Variants in TAFA1 observed in about 807,000 individuals in gnomAD.
The protein encoded by TAFA1 is TAFA chemokine like family member 1, also known as chemokine-like protein TAFA-1.
A neutral mutation model predicts 18.5 loss-of-function variants in TAFA1; 4 were observed. The observed-to-expected ratio is 0.22, with a 90% CI of 0.11 to 0.49. The LOEUF is 0.49. Ranked by LOEUF, TAFA1 falls within the 20% of genes least tolerant of loss-of-function variation. The pLI, the probability that TAFA1 is intolerant of heterozygous loss-of-function variation, is 0.98. For missense variants in TAFA1, 147 were observed against 169.0 expected (o/e 0.87, Z 0.72); for synonymous variants, 56 against 55.2 (o/e 1.01, Z -0.06).
At chr3:68,038,344 G>C (rs1705094799) in intron 2 of TAFA1, among the ~76,000 whole-genome samples, 1 of 152,174 alleles carries the variant, frequency 6.6e-6, no homozygotes, top group Admixed American at 6.5e-5. Flanking sequence ...GGAATCTTTA[G>C]TCAATGTTGG....
intron 2 of TAFA1, among the ~76,000 whole-genome samples, chr3:68,048,263 G>A (rs896271540): frequency 3.3e-4 from 50 of 151,870 alleles, no homozygotes; most frequent in African/African-American, 1.2e-3. Context: ...TATTGAAGAC[G>A]GGCTTATGGC....
At chr3:68,254,618 G>A (rs1435342801) in intron 2 of TAFA1, among the ~76,000 whole-genome samples, 1 of 152,012 alleles carries the variant, frequency 6.6e-6, no homozygotes, top group Non-Finnish European at 1.5e-5. Context: ...GTGATGCCAA[G>A]TTATTTCCTC....
intron 2 of TAFA1, among the ~76,000 whole-genome samples, chr3:68,403,042 A>C (rs962966607): frequency 6.6e-6 from 1 of 152,168 alleles, no homozygotes; most frequent in East Asian, 1.9e-4. Flanking sequence ...TACCTTTTCT[A>C]TGTCTAGATA....
intron 2 of TAFA1, among the ~76,000 whole-genome samples, chr3:68,075,307 C>G (rs888976379): frequency 3.3e-5 from 5 of 152,154 alleles, no homozygotes; most frequent in African/African-American, 1.2e-4. Context: ...GGCTAATAGA[C>G]TATTTGTGAC....
chr3:68,382,539 C>A (rs144720207), intron 2 of TAFA1, among the ~76,000 whole-genome samples: 1 of 151,982 alleles, frequency 6.6e-6, no homozygotes, highest in East Asian at 1.9e-4. Context: ...CGTTATGGGG[C>A]CTTATTTCTG....
rs141891256 is a variant in TAFA1, at chr3:68,046,746, T to C, written c.118+40002T>C. 1.9e-3 allele frequency among the ~76,000 whole-genome samples: 286 copies of C among 152,300 alleles called. 1 individual carries two copies. The highest frequency in any genetic ancestry group is 6.4e-3 in the African/African-American group (268 of 41,586). Reference sequence around the variant, plus strand: ...ATTTGGAGAGGTTAAGTAACTTCTTTGGCTAGACAGTCAGCTATTGATAGA... The same window carrying C: ...ATTTGGAGAGGTTAAGTAACTTCTTCGGCTAGACAGTCAGCTATTGATAGA... On this transcript the variant is annotated intron_variant, in intron 2 of 4. Coordinates refer to ENST00000478136, the MANE Select transcript of TAFA1 (RefSeq NM_213609.4).
chr3:68,204,580 G>C (rs963253676), intron 2 of TAFA1, among the ~76,000 whole-genome samples: 1 of 151,812 alleles, frequency 6.6e-6, no homozygotes, highest in South Asian at 2.1e-4. Context: ...AGGCGAAGAA[G>C]GCATAAGCAG....
intron 2 of TAFA1, among the ~76,000 whole-genome samples, chr3:68,206,196 T>C (rs1043617914): frequency 6.6e-6 from 1 of 151,876 alleles, no homozygotes; most frequent in East Asian, 1.9e-4. Flanking sequence ...GAAAGAGATA[T>C]ATTATGTGTT....
At chr3:68,406,955 C>T (rs1163028863) in intron 2 of TAFA1, among the ~76,000 whole-genome samples, 1 of 152,146 alleles carries the variant, frequency 6.6e-6, no homozygotes, top group Non-Finnish European at 1.5e-5. Flanking sequence ...TCAACATATC[C>T]AACGTATAAG....
intron 2 of TAFA1, among the ~76,000 whole-genome samples, chr3:68,081,909 A>C (rs1268559529): frequency 6.6e-6 from 1 of 152,172 alleles, no homozygotes; most frequent in Admixed American, 6.5e-5. Context: ...CCCCTCTCCC[A>C]GCCTCGCTGC....
intron 2 of TAFA1, among the ~76,000 whole-genome samples, chr3:68,065,765 T>TATAC (rs1340736674): frequency 0.012 from 705 of 60,058 alleles, 5 homozygotes; most frequent in African/African-American, 0.037. Flanking sequence ...TATATATATA[T>TATAC]ACACACACAT....
chr3:68,237,916 A>C (rs1037986755), intron 2 of TAFA1, among the ~76,000 whole-genome samples: 2 of 152,184 alleles, frequency 1.3e-5, no homozygotes, highest in Non-Finnish European at 2.9e-5. Flanking sequence ...ATAAAAAGGC[A>C]TCACTGAAAC....
chr3:68,122,660 T>C (rs2065415210), intron 2 of TAFA1, among the ~76,000 whole-genome samples: 2 of 152,268 alleles, frequency 1.3e-5, no homozygotes, highest in South Asian at 4.1e-4. Context: ...ATTTGTTTTG[T>C]AAAAGGCAAA....
rs118126103 is a variant in TAFA1 at position 68,046,166 on chromosome 3, G to A, written c.118+39422G>A. On this transcript the variant is annotated intron_variant, in intron 2 of 4. Transcript: ENST00000478136. ...TTGGATGGAATATAGTGATTCTGGC[G>A]GCGGTTTTCAGGATTTGAAACAAAT... Among the ~76,000 whole-genome samples the A allele has an allele frequency of 5.2e-3, 791 of 152,126 alleles. 33 individuals carry two copies. The East Asian group carries it at 0.1, about 19-fold the overall frequency.
chr3:68,254,224 C>T (rs1337484145), intron 2 of TAFA1, among the ~76,000 whole-genome samples: 1 of 151,484 alleles, frequency 6.6e-6, no homozygotes, highest in African/African-American at 2.4e-5. Context: ...ATACTTCCTA[C>T]TGGGCATTGG....
intron 2 of TAFA1, among the ~76,000 whole-genome samples, chr3:68,036,304 T>C (rs1281469392): frequency 6.6e-6 from 1 of 151,818 alleles, no homozygotes; most frequent in Non-Finnish European, 1.5e-5. Flanking sequence ...CCATGCATGG[T>C]GGTGTGCACC....
At chr3:68,410,389 AC>A in intron 2 of TAFA1, among the ~76,000 whole-genome samples, 1 of 152,138 alleles carries the variant, frequency 6.6e-6, no homozygotes, top group Middle Eastern at 3.4e-3. Context: ...AACACATCTA[AC>A]TTTTCCAGAT....
chr3:68,526,762 A>T (rs1219817823), intron 3 of TAFA1, among the ~76,000 whole-genome samples: 1 of 152,118 alleles, frequency 6.6e-6, no homozygotes, highest in East Asian at 1.9e-4. Context: ...AAAGTGTAAA[A>T]GAATGCCTCT....
chr3:68,401,714 A>G (rs1315496323), intron 2 of TAFA1, among the ~76,000 whole-genome samples: 1 of 152,198 alleles, frequency 6.6e-6, no homozygotes, highest in Admixed American at 6.5e-5. Flanking sequence ...AGCCCTTGTT[A>G]ACAACCACTT....
Sources: gnomAD v4.1 joint callset for allele counts (sites outside exome capture counted in the v4.1 genomes callset) on GRCh38, gnomAD v4.1.1 for gene constraint, MANE v1.5 for transcripts, NCBI Gene and HGNC (gene_info 2026-07-23, HGNC 2026-07-21) for gene names.